RELN: variants seen among roughly 807,000 people sequenced by gnomAD.
RELN encodes the protein reelin.
In RELN, 108 loss-of-function variants were observed where a neutral mutation model predicts 427.6. The observed-to-expected ratio is 0.25, with a 90% CI of 0.22 to 0.30. The LOEUF is 0.30. Ranked by LOEUF, RELN falls within the 10% of genes least tolerant of loss-of-function variation. The pLI is 1.00. For synonymous variants in RELN, 1,524 were observed against 1,513.4 expected (o/e 1.01, Z -0.16); for missense variants, 3,715 against 4,302.8 (o/e 0.86, Z 3.82).
intron 1 of RELN, among the ~76,000 whole-genome samples, chr7:103,964,558 G>A (rs1671466187): frequency 1.3e-5 from 2 of 152,164 alleles, no homozygotes. Flanking sequence ...ACTCCTGGGA[G>A]TCCACTAAAT....
At position 103,968,285 on chromosome 7, in the gene RELN, T is replaced by C. The variant is rs1419571560; in HGVS notation, c.226+20846A>G. ...CTTCACACAAATGACTTGTCAAACA[T>C]GGCTGAAGGTAAGAGGAATGTCTTT... On this transcript the variant is annotated intron_variant, in intron 1 of 64. Transcript: ENST00000428762. The surrounding 1 kb of genome is among the most constrained non-coding windows in gnomAD (Gnocchi z 4.3). 6.6e-6 allele frequency among the ~76,000 whole-genome samples: 1 copy of C among 152,058 alleles called. No individual in the cohort carries two copies. The highest frequency in any genetic ancestry group is 1.5e-5 in the Non-Finnish European group (1 of 68,026).
intron 7 of RELN, among the ~76,000 whole-genome samples, chr7:103,727,209 A>G (rs535730136): frequency 6.6e-6 from 1 of 152,084 alleles, no homozygotes; most frequent in Non-Finnish European, 1.5e-5. Flanking sequence ...TTGAAACACA[A>G]TTGTGACAGA....
intron 5 of RELN, among the ~76,000 whole-genome samples, chr7:103,751,047 GATA>G (rs1342612910): frequency 6.6e-6 from 1 of 152,130 alleles, no homozygotes; most frequent in Non-Finnish European, 1.5e-5. Context: ...TGTGAGAAAT[GATA>G]ATTATTTCTA....
intron 11 of RELN, among the ~76,000 whole-genome samples, chr7:103,672,794 C>G (rs1482032376): frequency 6.6e-6 from 1 of 152,102 alleles, no homozygotes; most frequent in Non-Finnish European, 1.5e-5. Flanking sequence ...TATCATATTA[C>G]TGATAGTGAT....
At chr7:103,817,008 T>C (rs1792889733) in intron 3 of RELN, among the ~76,000 whole-genome samples, 2 of 151,982 alleles carry the variant, frequency 1.3e-5, no homozygotes, top group South Asian at 2.1e-4. Context: ...TGCACCACCA[T>C]GCCTCGCTGA....
intron 4 of RELN, among the ~76,000 whole-genome samples, chr7:103,771,291 T>C (rs1466103539): frequency 6.6e-6 from 1 of 152,006 alleles, no homozygotes; most frequent in Admixed American, 6.6e-5. Flanking sequence ...TTTGTCCTTG[T>C]TGGACACCTC....
chr7:103,834,617 C>G (rs1270793648), intron 2 of RELN, among the ~76,000 whole-genome samples: 1 of 152,006 alleles, frequency 6.6e-6, no homozygotes, highest in Non-Finnish European at 1.5e-5. Context: ...AACAAACAAC[C>G]TAATTAACAA....
chr7:103,621,604 A>G (rs534425561), intron 20 of RELN, among the ~76,000 whole-genome samples: 2 of 152,262 alleles, frequency 1.3e-5, no homozygotes, highest in African/African-American at 4.8e-5. Flanking sequence ...GTGTGACTGG[A>G]ATAGACTGAG....
At chr7:103,910,274 C>A (rs373327157) in intron 2 of RELN, among the ~76,000 whole-genome samples, 1 of 143,772 alleles carries the variant, frequency 7.0e-6, no homozygotes, top group South Asian at 2.4e-4. Context: ...TATCCTGAGA[C>A]TTTGCTGAAG....
At chr7:103,938,190 G>A (rs975996473) in intron 1 of RELN, among the ~76,000 whole-genome samples, 2 of 151,870 alleles carry the variant, frequency 1.3e-5, no homozygotes, top group South Asian at 2.1e-4. Flanking sequence ...GTGTGGTGGC[G>A]CATGCCTGTT....
intron 41 of RELN, 45 bp downstream of exon 41, chr7:103,551,022 C>A (rs749235482): frequency 2.5e-5 from 37 of 1,501,616 alleles, no homozygotes; most frequent in Middle Eastern, 2.0e-4. Context: ...CAGGAATAAA[C>A]TGTCAAAGGA....
rs180874748 is a variant in RELN, at chr7:103,633,464, G to A, written c.2465+1961C>T. On this transcript the variant is annotated intron_variant, in intron 19 of 64. Coordinates refer to ENST00000428762, the MANE Select transcript of RELN (RefSeq NM_005045.4). ...AGGGGGCGGGAGGAAGAATCTCATG[G>A]ACAGAGATAAATATATATATATATA... 7.4e-3 allele frequency among the ~76,000 whole-genome samples: 1,118 copies of A among 150,820 alleles called. 8 individuals carry two copies. Among genetic ancestry groups the A allele is most frequent in the Non-Finnish European group, 0.011 (742 of 67,702 alleles).
At chr7:103,672,334 T>G (rs1562950298) in intron 11 of RELN, among the ~76,000 whole-genome samples, 2 of 152,146 alleles carry the variant, frequency 1.3e-5, no homozygotes, top group South Asian at 2.1e-4. Context: ...AACTCAAGTA[T>G]GGCAGTGCCA....
chr7:103,505,498 TAACA>T (rs2117046339), intron 51 of RELN, among the ~76,000 whole-genome samples: 1 of 152,156 alleles, frequency 6.6e-6, no homozygotes, highest in African/African-American at 2.4e-5. Flanking sequence ...GAAGGAAAAC[TAACA>T]AACAGAAAGG....
intron 20 of RELN, 44 bp downstream of exon 20, chr7:103,629,896 A>G: frequency 1.7e-6 from 2 of 1,191,140 alleles, no homozygotes; most frequent in African/African-American, 1.5e-5. Context: ...TCATGTTCTA[A>G]TTCCTAGTGC....
intron 11 of RELN, among the ~76,000 whole-genome samples, chr7:103,671,438 G>A (rs1833390594): frequency 6.6e-6 from 1 of 152,042 alleles, no homozygotes. Flanking sequence ...AAAGCACCCA[G>A]CTTTCTCATT....
chr7:103,732,372 A>G (rs757847247), intron 6 of RELN, among the ~76,000 whole-genome samples: 51 of 152,156 alleles, frequency 3.4e-4, no homozygotes, highest in South Asian at 6.2e-4. Context: ...CCCCATAATT[A>G]TTGGTGGTGG....
intron 24 of RELN, among the ~76,000 whole-genome samples, chr7:103,602,063 CTCA>C (rs901246278): frequency 1.8e-4 from 27 of 152,218 alleles, no homozygotes; most frequent in African/African-American, 6.0e-4. Flanking sequence ...TACCCCCACT[CTCA>C]TCACTATTCC....
intron 3 of RELN, among the ~76,000 whole-genome samples, chr7:103,794,647 T>G (rs1251812481): frequency 6.6e-6 from 1 of 152,182 alleles, no homozygotes; most frequent in East Asian, 1.9e-4. Context: ...GAGTTGTCTT[T>G]GGTAAAGTCA....
Sources: allele counts gnomAD v4.1 joint callset (sites outside exome capture counted in the v4.1 genomes callset), GRCh38; gene constraint gnomAD v4.1.1; non-coding constraint Gnocchi (gnomAD v3.1); transcripts MANE v1.5; gene names NCBI Gene and HGNC (gene_info 2026-07-23, HGNC 2026-07-21).